ARHGAP42: variants seen among roughly 807,000 people sequenced by gnomAD.
The protein encoded by ARHGAP42 is Rho GTPase activating protein 42.
Under a neutral mutation model 125.0 loss-of-function variants are expected in ARHGAP42, and 63 were observed. The ratio of observed to expected loss-of-function variants is 0.50; its 90% CI spans 0.41 to 0.62. ARHGAP42 has a LOEUF of 0.62. Ranked by LOEUF, ARHGAP42 falls within the 20% of genes least tolerant of loss-of-function variation. ARHGAP42 has a pLI of 0.00. For missense variants in ARHGAP42, 766 were observed against 1,024.2 expected, an observed-to-expected ratio of 0.75 and a Z score of 3.44; for synonymous variants, 339 against 351.0, an observed-to-expected ratio of 0.97 and a Z score of 0.38.
At chr11:100,715,359 A>T (rs1403361972) in intron 1 of ARHGAP42, among the ~76,000 whole-genome samples, 2 of 152,046 alleles carry the variant, frequency 1.3e-5, no homozygotes, top group African/African-American at 4.8e-5. Flanking sequence ...TAACCCAGTG[A>T]ATCTAGTATC....
intron 1 of ARHGAP42, among the ~76,000 whole-genome samples, chr11:100,696,874 A>G (rs1861293481): frequency 6.6e-6 from 1 of 152,134 alleles, no homozygotes; most frequent in African/African-American, 2.4e-5. Flanking sequence ...GTATTTTTAA[A>G]ATGCCAAATA....
chr11:100,797,378 T>G (rs1863742236), intron 3 of ARHGAP42, among the ~76,000 whole-genome samples: 5 of 152,138 alleles, frequency 3.3e-5, no homozygotes, highest in Admixed American at 3.3e-4. Context: ...GTGTCTGGCT[T>G]CAAAGGATGG....
intron 2 of ARHGAP42, among the ~76,000 whole-genome samples, chr11:100,780,946 G>C (rs1431970073): frequency 6.6e-6 from 1 of 152,184 alleles, no homozygotes; most frequent in Admixed American, 6.5e-5. Flanking sequence ...AGAAAAATAA[G>C]TGATGGCCCT....
chr11:100,904,579 G>C (rs1295249221), intron 4 of ARHGAP42, among the ~76,000 whole-genome samples: 4 of 151,092 alleles, frequency 2.6e-5, no homozygotes, highest in Non-Finnish European at 5.9e-5. Flanking sequence ...CTCTTTCTTT[G>C]TTCACTTTTC....
At chr11:100,949,896 T>C (rs1868130102) in intron 11 of ARHGAP42, 21 bp from the exon 12 acceptor site, 1 of 1,439,626 alleles carries the variant, frequency 6.9e-7, no homozygotes, top group Non-Finnish European at 9.4e-7. Context: ...AAGTAACTAA[T>C]GGACATCCTT....
intron 1 of ARHGAP42, among the ~76,000 whole-genome samples, chr11:100,743,906 T>G (rs1424278651): frequency 6.6e-6 from 1 of 152,214 alleles, no homozygotes; most frequent in Non-Finnish European, 1.5e-5. Flanking sequence ...TTCCCAAATG[T>G]GTCTTTCATT....
intron 21 of ARHGAP42, among the ~76,000 whole-genome samples, chr11:100,977,808 A>T (rs1858431418): frequency 6.6e-6 from 1 of 152,156 alleles, no homozygotes; most frequent in African/African-American, 2.4e-5. Context: ...TCTGACTACA[A>T]TTCTGTGCTC....
At chr11:100,979,981 T>TA (rs2135326160) in intron 22 of ARHGAP42, among the ~76,000 whole-genome samples, 1 of 152,300 alleles carries the variant, frequency 6.6e-6, no homozygotes, top group South Asian at 2.1e-4. Context: ...CAAACATTTA[T>TA]AAAGTACCTA....
intron 3 of ARHGAP42, among the ~76,000 whole-genome samples, chr11:100,814,194 TAA>T (rs1394826206): frequency 1.4e-5 from 2 of 144,370 alleles, no homozygotes; most frequent in African/African-American, 2.5e-5. Flanking sequence ...CTCCGTCTCT[TAA>T]AAAAAAAAAT....
intron 3 of ARHGAP42, among the ~76,000 whole-genome samples, chr11:100,841,466 T>C (rs183145906): frequency 2.0e-3 from 300 of 152,318 alleles, no homozygotes; most frequent in African/African-American, 6.8e-3. Context: ...TGAATAGCAA[T>C]GGCATGTAGT....
chr11:100,725,031 C>T (rs1161471631), intron 1 of ARHGAP42, among the ~76,000 whole-genome samples: 1 of 152,010 alleles, frequency 6.6e-6, no homozygotes, highest in African/African-American at 2.4e-5. Flanking sequence ...TTATTTAGCT[C>T]AAAATATTTT....
chr11:100,703,762 G>T (rs1796076517), intron 1 of ARHGAP42, among the ~76,000 whole-genome samples: 1 of 152,152 alleles, frequency 6.6e-6, no homozygotes, highest in Non-Finnish European at 1.5e-5. Flanking sequence ...GGTCAGTGGT[G>T]TATACAAATT....
At chr11:100,913,164 C>G (rs1180043169) in intron 4 of ARHGAP42, among the ~76,000 whole-genome samples, 1 of 152,098 alleles carries the variant, frequency 6.6e-6, no homozygotes, top group African/African-American at 2.4e-5. Flanking sequence ...AGCCTGGCCC[C>G]TACCCATACT....
At chr11:100,897,920 G>A (rs952328462) in intron 4 of ARHGAP42, among the ~76,000 whole-genome samples, 2 of 152,140 alleles carry the variant, frequency 1.3e-5, no homozygotes, top group African/African-American at 4.8e-5. Context: ...TCCTGTGCTG[G>A]TTTTCAAAGG....
chr11:100,702,271 A>G (rs888673170), intron 1 of ARHGAP42, among the ~76,000 whole-genome samples: 2 of 152,190 alleles, frequency 1.3e-5, no homozygotes, highest in African/African-American at 4.8e-5. Context: ...AGGCAGAAAA[A>G]GAAAAACAGA....
intron 3 of ARHGAP42, among the ~76,000 whole-genome samples, chr11:100,806,414 A>G (rs1286849489): frequency 6.6e-6 from 1 of 152,206 alleles, no homozygotes; most frequent in African/African-American, 2.4e-5. Context: ...AAGTGCGATT[A>G]TCTGTGAAGT....
Position 100,973,331 on chromosome 11 carries a change from A to C in ARHGAP42, c.1707A>C (p.Glu569Asp), listed in dbSNP as rs1463892084. 2 of 1,548,648 alleles carry C rather than the reference A, an allele frequency of 1.3e-6. No homozygotes were observed. Among genetic ancestry groups the C allele is most frequent in the South Asian group, 2.4e-5 (2 of 83,212 alleles). Residue 569 changes from glutamate to aspartate, a missense_variant, in exon 18 of 24, where the codon GAA becomes GAC. Physicochemically the swap from Glu to Asp is conservative, Grantham distance 45. This residue lies in a region of ARHGAP42 where 308 missense variants were observed against 369.7 expected (regional missense o/e 0.83). Transcript: ENST00000298815. ...TAGAAATTCTGATAGAGCACTATGA[A>C]AAGGTAGGCGGAATTTTCATGTGGA... is the stretch of plus-strand genomic sequence containing the variant. ...IVVEILIEHY[E>D]KIFHTAPDPS...
chr11:100,875,292 G>A (rs180774185), intron 4 of ARHGAP42, among the ~76,000 whole-genome samples: 95 of 151,776 alleles, frequency 6.3e-4, no homozygotes, highest in Non-Finnish European at 1.1e-3. Flanking sequence ...ACACAGGAAC[G>A]TACTGGAGTT....
rs1858827670 is a variant in ARHGAP42, at chr11:100,991,378, G to T, written c.*2577G>T. The T allele has an allele frequency of 1.3e-5, 2 of 152,154 alleles. No homozygotes were observed. Among genetic ancestry groups the T allele is most frequent in the Admixed American group, 1.3e-4 (2 of 15,276 alleles). The allele number at this position is 152,154 out of a possible 1,614,324, so 9.4% of individuals were successfully genotyped here. ...AGAGGATCACATTCAACTTTTAATA[G>T]TAGTTCAATAACAAAACCTTAGCTT... On this transcript the variant is annotated 3_prime_UTR_variant, in exon 24 of 24. Coordinates refer to ENST00000298815, the MANE Select transcript of ARHGAP42 (RefSeq NM_152432.4).
Sources: allele counts gnomAD v4.1 joint callset (sites outside exome capture counted in the v4.1 genomes callset), GRCh38; gene constraint gnomAD v4.1.1; regional missense constraint gnomAD v4.1.1; transcripts MANE v1.5; gene names NCBI Gene and HGNC (gene_info 2026-07-23, HGNC 2026-07-21).